Variants in PRKG1 observed in about 807,000 individuals in gnomAD.
PRKG1 encodes the protein cGMP-dependent protein kinase 1.
In PRKG1, 35 loss-of-function variants were observed where a neutral mutation model predicts 88.1. The ratio of observed to expected loss-of-function variants is 0.40; its 90% CI spans 0.30 to 0.53. The LOEUF (loss-of-function observed/expected upper bound fraction) is 0.53, where lower values mean the gene tolerates loss of function less well. Among genes scored for constraint, PRKG1 ranks in the 20% least tolerant of loss-of-function variants. The pLI, the probability that PRKG1 is intolerant of heterozygous loss-of-function variation, is 0.59. For synonymous variants in PRKG1, 303 were observed against 292.5 expected, an observed-to-expected ratio of 1.04 and a Z score of -0.37; for missense variants, 540 against 839.8, an observed-to-expected ratio of 0.64 and a Z score of 4.41.
At chr10:51,539,564 C>T (rs113001232) in intron 3 of PRKG1, among the ~76,000 whole-genome samples, 24 of 152,166 alleles carry the variant, frequency 1.6e-4, no homozygotes, top group Middle Eastern at 3.4e-3. Flanking sequence ...AAGACTTGAC[C>T]GACTTCTAAA....
At chr10:51,982,437 A>G (rs1042035466) in intron 5 of PRKG1, among the ~76,000 whole-genome samples, 3 of 152,118 alleles carry the variant, frequency 2.0e-5, no homozygotes, top group African/African-American at 7.2e-5. Context: ...TCTTATCTTT[A>G]TGGGCTGATG....
intron 3 of PRKG1, among the ~76,000 whole-genome samples, chr10:51,693,375 A>G (rs1243523282): frequency 6.6e-6 from 1 of 150,758 alleles, no homozygotes; most frequent in African/African-American, 2.4e-5. Flanking sequence ...GTTATTTTTA[A>G]TGATGTTACC....
chr10:50,997,974 C>T (rs1355598607), intron 1 of PRKG1, among the ~76,000 whole-genome samples: 1 of 152,308 alleles, frequency 6.6e-6, no homozygotes, highest in East Asian at 1.9e-4. Flanking sequence ...TGAAAACCCT[C>T]TAGGTTGATC....
At chr10:51,978,453 T>A (rs1843906517) in intron 5 of PRKG1, among the ~76,000 whole-genome samples, 1 of 137,250 alleles carries the variant, frequency 7.3e-6, no homozygotes, top group Non-Finnish European at 1.6e-5. Context: ...TTTTTTTTTT[T>A]AGCTCCCTAT....
chr10:52,287,817 G>A (rs1199416311), intron 14 of PRKG1, among the ~76,000 whole-genome samples: 1 of 151,956 alleles, frequency 6.6e-6, no homozygotes, highest in African/African-American at 2.4e-5. Flanking sequence ...TCTGAGCAGA[G>A]AGAAAAGGAT....
intron 5 of PRKG1, among the ~76,000 whole-genome samples, chr10:51,985,048 C>A (rs943619959): frequency 6.6e-6 from 1 of 151,996 alleles, no homozygotes; most frequent in African/African-American, 2.4e-5. Context: ...TTATAAATAC[C>A]ATAGGACATA....
chr10:51,106,238 A>G (rs1844829136), intron 1 of PRKG1, among the ~76,000 whole-genome samples: 1 of 152,242 alleles, frequency 6.6e-6, no homozygotes, highest in South Asian at 2.1e-4. Flanking sequence ...CCATCAAATT[A>G]GCAAATTCAG....
intron 3 of PRKG1, among the ~76,000 whole-genome samples, chr10:51,600,160 T>A (rs1438522904): frequency 6.6e-6 from 1 of 152,178 alleles, no homozygotes; most frequent in Non-Finnish European, 1.5e-5. Flanking sequence ...ATGATTTACT[T>A]CTCTTGTCCT....
intron 3 of PRKG1, among the ~76,000 whole-genome samples, chr10:51,754,824 C>T (rs1287775355): frequency 6.6e-6 from 1 of 152,092 alleles, no homozygotes; most frequent in Non-Finnish European, 1.5e-5. Flanking sequence ...AAGTCTTAAA[C>T]AAGGGCTAGT....
intron 7 of PRKG1, chr10:52,081,736 T>C: frequency 2.2e-6 from 1 of 452,588 alleles, no homozygotes; most frequent in South Asian, 1.6e-5. Context: ...GTGAACAAGG[T>C]GGTAGGTTGG....
At chr10:52,083,466 G>A (rs569534497) in intron 7 of PRKG1, among the ~76,000 whole-genome samples, 20 of 152,082 alleles carry the variant, frequency 1.3e-4, no homozygotes, top group South Asian at 6.2e-4. Context: ...TATGTGATCC[G>A]GAACACTTTA....
At chr10:52,050,059 ATG>A (rs974592850) in intron 5 of PRKG1, among the ~76,000 whole-genome samples, 6 of 96,900 alleles carry the variant, frequency 6.2e-5, no homozygotes, top group East Asian at 2.4e-3. Flanking sequence ...GAGTGTGTTC[ATG>A]TGTGTGTGGT....
intron 1 of PRKG1, among the ~76,000 whole-genome samples, chr10:51,128,231 G>C (rs1163621807): frequency 1.8e-5 from 1 of 54,264 alleles, no homozygotes; most frequent in Non-Finnish European, 5.6e-5. Context: ...GATAGACTTA[G>C]GAATATAAAT....
rs924887342 is a variant in PRKG1 at position 52,293,893 on chromosome 10, A to C, written c.2054A>C (p.Asp685Ala). The C allele has an allele frequency of 6.2e-7, 1 of 1,608,474 alleles. No homozygotes were observed. Among genetic ancestry groups the C allele is most frequent in the African/African-American group, 1.3e-5 (1 of 74,718 alleles). Residue 685 changes from aspartate to alanine, a missense_variant, in exon 18 of 18, where the codon GAC becomes GCC. Asp to Ala is a moderately radical substitution (Grantham distance 126, BLOSUM62 -2). This residue lies in a region of PRKG1 where 26 missense variants were observed against 18.4 expected (regional missense o/e 1.41). Coordinates refer to ENST00000373980, the MANE Select transcript of PRKG1 (RefSeq NM_006258.4). ...PPDDNSGWDI[D>A]F ...GATGACAACTCAGGATGGGATATAG[A>C]CTTCTAATGTATTTCTCTTACCTGC...
At chr10:51,417,958 A>G (rs1838290043) in intron 2 of PRKG1, among the ~76,000 whole-genome samples, 1 of 152,154 alleles carries the variant, frequency 6.6e-6, no homozygotes, top group African/African-American at 2.4e-5. Flanking sequence ...CCTATGGGAG[A>G]CACATGTTTT....
chr10:52,147,725 C>G (rs1432922270), intron 8 of PRKG1, among the ~76,000 whole-genome samples: 4 of 152,126 alleles, frequency 2.6e-5, no homozygotes, highest in African/African-American at 9.7e-5. Context: ...AAAAGAGGAA[C>G]AAATTCAAGA....
chr10:52,081,949 A>C (rs1030677835), intron 7 of PRKG1, among the ~76,000 whole-genome samples: 1 of 152,104 alleles, frequency 6.6e-6, no homozygotes, highest in African/African-American at 2.4e-5. Flanking sequence ...GTCCATTCTC[A>C]TGCTGCTATA....
chr10:51,520,010 A>G (rs1589040778), intron 3 of PRKG1, among the ~76,000 whole-genome samples: 1 of 152,126 alleles, frequency 6.6e-6, no homozygotes, highest in African/African-American at 2.4e-5. Context: ...TGCTATATTT[A>G]TAGATGATTT....
intron 3 of PRKG1, among the ~76,000 whole-genome samples, chr10:51,774,224 G>A (rs1564641473): frequency 6.6e-6 from 1 of 152,010 alleles, no homozygotes; most frequent in Admixed American, 6.6e-5. Flanking sequence ...TTAAACTCAG[G>A]CTTCTTTAGC....
Sources: allele counts gnomAD v4.1 joint callset (sites outside exome capture counted in the v4.1 genomes callset), GRCh38; gene constraint gnomAD v4.1.1; regional missense constraint gnomAD v4.1.1; transcripts MANE v1.5; gene names NCBI Gene and HGNC (gene_info 2026-07-23, HGNC 2026-07-21).